LPP: variants seen among roughly 807,000 people sequenced by gnomAD.
LPP encodes LIM domain containing preferred translocation partner in lipoma.
Under a neutral mutation model 60.4 loss-of-function variants are expected in LPP, and 38 were observed. The observed-to-expected ratio is 0.63, with a 90% CI of 0.49 to 0.83. The LOEUF (loss-of-function observed/expected upper bound fraction) is 0.83. Ranked by LOEUF, LPP falls within the 40% of genes least tolerant of loss-of-function variation. LPP has a pLI of 0.00. For missense variants in LPP, 902 were observed against 783.6 expected (o/e 1.15, Z -1.80); for synonymous variants, 328 against 290.8 (o/e 1.13, Z -1.30).
chr3:188,162,337 C>T (rs1254249487), intron 1 of LPP, among the ~76,000 whole-genome samples: 1 of 152,154 alleles, frequency 6.6e-6, no homozygotes, highest in Non-Finnish European at 1.5e-5. Context: ...GAGAATCAAA[C>T]CCCCCTCTCC....
At chr3:188,272,605 C>T (rs756907797) in intron 2 of LPP, among the ~76,000 whole-genome samples, 50 of 152,204 alleles carry the variant, frequency 3.3e-4, no homozygotes, top group African/African-American at 1.1e-3. Context: ...CACGATGACA[C>T]GGCAGAGTCA....
chr3:188,218,357 T>C (rs1324236520), intron 1 of LPP, among the ~76,000 whole-genome samples: 1 of 152,202 alleles, frequency 6.6e-6, no homozygotes, highest in African/African-American at 2.4e-5. Flanking sequence ...AATCCAAAAT[T>C]CTGACCAAGC....
chr3:188,526,529 G>A (rs952423502), intron 6 of LPP, among the ~76,000 whole-genome samples: 4 of 152,234 alleles, frequency 2.6e-5, no homozygotes, highest in South Asian at 2.1e-4. Flanking sequence ...GACCTCAAGC[G>A]ATCTGCCCGC....
intron 3 of LPP, among the ~76,000 whole-genome samples, chr3:188,378,671 G>A (rs527387428): frequency 1.6e-4 from 25 of 152,188 alleles, no homozygotes; most frequent in Non-Finnish European, 2.8e-4. Context: ...TGGGTGAGGT[G>A]ATGCCTCACC....
intron 5 of LPP, among the ~76,000 whole-genome samples, chr3:188,491,388 C>G (rs1808336406): frequency 6.6e-6 from 1 of 152,190 alleles, no homozygotes; most frequent in African/African-American, 2.4e-5. Flanking sequence ...TTAATGTATT[C>G]TAAAATGCTT....
At chr3:188,825,267 C>CTGTGTG (rs1208771566) in intron 9 of LPP, among the ~76,000 whole-genome samples, 40 of 99,008 alleles carry the variant, frequency 4.0e-4, no homozygotes, top group African/African-American at 1.2e-3. Context: ...CTCTCTCTCT[C>CTGTGTG]TCTGTGTGTG....
intron 2 of LPP, among the ~76,000 whole-genome samples, chr3:188,305,117 T>C (rs1751098424): frequency 6.6e-6 from 1 of 152,198 alleles, no homozygotes; most frequent in Admixed American, 6.5e-5. Flanking sequence ...CTTTTGACTC[T>C]CCCAGTGGGT....
chr3:188,357,480 A>G (rs981673926), intron 3 of LPP, among the ~76,000 whole-genome samples: 1 of 152,228 alleles, frequency 6.6e-6, no homozygotes, highest in Non-Finnish European at 1.5e-5. Flanking sequence ...TTGAGCACCC[A>G]GAAACAGCAG....
intron 9 of LPP, among the ~76,000 whole-genome samples, chr3:188,799,330 A>G (rs1746304175): frequency 2.0e-5 from 3 of 152,318 alleles, no homozygotes; most frequent in South Asian, 2.1e-4. Context: ...TACATTCGCG[A>G]TGGGTACAAA....
chr3:188,452,442 A>T (rs554480805), intron 4 of LPP, among the ~76,000 whole-genome samples: 1 of 152,170 alleles, frequency 6.6e-6, no homozygotes, highest in East Asian at 1.9e-4. Context: ...TTGTTTGCTC[A>T]TTCGATATTG....
chr3:188,616,460 C>T (rs889263132), intron 7 of LPP, among the ~76,000 whole-genome samples: 4 of 152,130 alleles, frequency 2.6e-5, no homozygotes, highest in Admixed American at 2.0e-4. Context: ...TGTTTCAATA[C>T]CAGTACCATG....
chr3:188,368,153 G>C (rs1275787902), intron 3 of LPP, among the ~76,000 whole-genome samples: 2 of 152,118 alleles, frequency 1.3e-5, no homozygotes, highest in African/African-American at 4.8e-5. Flanking sequence ...GTGTTATACC[G>C]GCCAAACCAA....
chr3:188,397,374 C>G (rs1781195275), intron 3 of LPP, among the ~76,000 whole-genome samples: 1 of 152,148 alleles, frequency 6.6e-6, no homozygotes, highest in Non-Finnish European at 1.5e-5. Context: ...CCTTTTAGCT[C>G]TTAAGTAGTC....
intron 3 of LPP, among the ~76,000 whole-genome samples, chr3:188,361,058 T>A (rs1769157441): frequency 6.6e-6 from 1 of 152,208 alleles, no homozygotes; most frequent in Admixed American, 6.5e-5. Context: ...AAATGCTGCT[T>A]GTTTTTAATG....
intron 8 of LPP, among the ~76,000 whole-genome samples, chr3:188,748,051 A>T (rs1726850422): frequency 6.6e-6 from 1 of 152,204 alleles, no homozygotes; most frequent in Non-Finnish European, 1.5e-5. Flanking sequence ...TGGATTTTGC[A>T]TGGAAATTTT....
chr3:188,611,849 A>G (rs1347473272), intron 7 of LPP, among the ~76,000 whole-genome samples: 1 of 152,224 alleles, frequency 6.6e-6, no homozygotes, highest in African/African-American at 2.4e-5. Flanking sequence ...GAACCCATCC[A>G]TTGGTGTAGG....
chr3:188,695,155 A>C (rs564116358), intron 7 of LPP, among the ~76,000 whole-genome samples: 2 of 152,342 alleles, frequency 1.3e-5, no homozygotes, highest in South Asian at 4.1e-4. Flanking sequence ...CATTTTGAAC[A>C]CCTACTAAGC....
chr3:188,269,151 T>C (rs1460341343), intron 2 of LPP, among the ~76,000 whole-genome samples: 1 of 152,228 alleles, frequency 6.6e-6, no homozygotes, highest in African/African-American at 2.4e-5. Context: ...TACGACATAC[T>C]GTTAAGGGTT....
At chr3:188,474,126 A>G (rs1429303575) in intron 4 of LPP, among the ~76,000 whole-genome samples, 1 of 152,240 alleles carries the variant, frequency 6.6e-6, no homozygotes, top group East Asian at 1.9e-4. Context: ...TCATTGTCTC[A>G]AGAGTTCTAT....
Sources: gnomAD v4.1 joint callset for allele counts (sites outside exome capture counted in the v4.1 genomes callset) on GRCh38, gnomAD v4.1.1 for gene constraint, MANE v1.5 for transcripts, NCBI Gene and HGNC (gene_info 2026-07-23, HGNC 2026-07-21) for gene names.